CTAGE1: variants seen among roughly 807,000 people sequenced by gnomAD.
CTAGE1 encodes the protein cutaneous T cell lymphoma-associated antigen 1.
For missense variants in CTAGE1, 963 were observed against 855.9 expected, an observed-to-expected ratio of 1.13 and a Z score of -1.56; for synonymous variants, 332 against 302.8, an observed-to-expected ratio of 1.10 and a Z score of -1.00.
At position 22,414,901 on chromosome 18, in the gene CTAGE1, G is replaced by A. The variant is rs971803035; in HGVS notation, c.*673C>T. 19 of 659,994 alleles carry A rather than the reference G, an allele frequency of 2.9e-5. No individual in the cohort carries two copies. The highest frequency in any genetic ancestry group is 1.2e-4 in the Admixed American group (5 of 41,448). 40.9% of individuals were successfully genotyped at this position (659,994 alleles called of 1,614,324 possible). Reference sequence around the variant, plus strand: ...AGACGAAGGGAAGGAAAGGGAGGGCGAAGAAACCATTCTTGAGGAAAACAG... The same window carrying A: ...AGACGAAGGGAAGGAAAGGGAGGGCAAAGAAACCATTCTTGAGGAAAACAG... On this transcript the variant is annotated 3_prime_UTR_variant, in exon 1 of 1. Transcript: ENST00000391403.
At position 22,415,789 on chromosome 18, in the gene CTAGE1, C is replaced by G; in HGVS notation, c.2023G>C (p.Val675Leu). The G allele has an allele frequency of 1.2e-6, 2 of 1,613,870 alleles. No homozygotes were observed. The highest frequency in any genetic ancestry group is 8.5e-7 in the Non-Finnish European group (1 of 1,179,846). The change falls in exon 1 of 1, where the codon GTA (valine) becomes CTA (leucine). Residue 675 changes from valine (V) to leucine (L), a missense_variant. Val to Leu is a conservative substitution (Grantham distance 32). Coordinates refer to ENST00000391403, the MANE Select transcript of CTAGE1 (RefSeq NM_172241.3). ...CTTATGAACGGGCCCCTTGTATCTACTGGAAACAATAAACCTCTGATTGGA... is the reference window on the plus strand; with the variant it reads ...CTTATGAACGGGCCCCTTGTATCTAGTGGAAACAATAAACCTCTGATTGGA... The part of the protein sequence containing the change: ...LAPIRGLLFP[V>L]DTRGPFIRRG...
Position 22,416,113 on chromosome 18 carries a change from G to A in CTAGE1, c.1699C>T (p.Pro567Ser). ...APSDAGPLAP[P>S]WEQDYRMMFP... ...ATCATCCTATAGTCCTGTTCCCACG[G>A]AGGTGCCAGGGGCCCAGCGTCAGAA... is the stretch of plus-strand genomic sequence containing the variant. Residue 567 changes from proline to serine, a missense_variant, in exon 1 of 1, where the codon CCG becomes TCG. Coordinates refer to ENST00000391403, the MANE Select transcript of CTAGE1 (RefSeq NM_172241.3). 1 of 1,613,962 alleles carries A rather than the reference G, an allele frequency of 6.2e-7. No homozygotes were observed. Among genetic ancestry groups the A allele is most frequent in the Non-Finnish European group, 8.5e-7 (1 of 1,179,860 alleles).
chr18:22,416,324 A>G lies in CTAGE1; in HGVS notation c.1488T>C (p.Pro496=), dbSNP rs112281251. The G allele has an allele frequency of 1.0e-4, 168 of 1,613,996 alleles. 3 individuals are homozygous for G. The African/African-American group carries it at 1.9e-3, about 18-fold the overall frequency. Residue 496 remains proline, a synonymous_variant, in exon 1 of 1, where the codon CCT becomes CCC. Transcript: ENST00000391403. The stretch of plus-strand genomic sequence containing the variant: ...AGAGAGAAGCTCTCGTTTCAGATGA[A>G]GGCCAACCCAATGGTGAGGGACCAT... ...SPYGPSPLGW[P]SSETRASLYP...
chr18:22,415,767 A>G lies in CTAGE1; in HGVS notation c.2045T>C (p.Ile682Thr). ...LFPVDTRGPF[I>T]RRGPPFPPPP... Reference sequence around the variant, plus strand: ...TGGGGGGAAAGGAGGTCCTCTTCTTATGAACGGGCCCCTTGTATCTACTGG... The same window carrying G: ...TGGGGGGAAAGGAGGTCCTCTTCTTGTGAACGGGCCCCTTGTATCTACTGG... Residue 682 changes from isoleucine (I) to threonine (T), a missense_variant, in exon 1 of 1, where the codon ATA (isoleucine) becomes ACA (threonine). Coordinates refer to ENST00000391403, the MANE Select transcript of CTAGE1 (RefSeq NM_172241.3). 6.2e-7 allele frequency: 1 copy of G among 1,613,988 alleles called. No homozygotes were observed. The highest frequency in any genetic ancestry group is 8.5e-7 in the Non-Finnish European group (1 of 1,179,872).
chr18:22,415,153 T>C lies in CTAGE1; in HGVS notation c.*421A>G, dbSNP rs2034994910. On this transcript the variant is annotated 3_prime_UTR_variant, in exon 1 of 1. Transcript: ENST00000391403. ...AAACTTATTTAAGCATAAAGTTACT[T>C]TCACATTTGTCTACAACCACAGTAA... 9.2e-6 allele frequency: 2 copies of C among 217,096 alleles called. No individual in the cohort carries two copies. Among genetic ancestry groups the C allele is most frequent in the Non-Finnish European group, 1.8e-5 (2 of 111,734 alleles). The allele number at this position is 217,096 out of a possible 1,614,324, so 13.4% of individuals were successfully genotyped here. A position where few individuals can be genotyped will look rare whatever the true frequency, so the allele number is the denominator to read the frequency against.
rs947793377 is a variant in CTAGE1, at chr18:22,414,446, TGCTTTTTAAAA to T, written c.*1117_*1127del. Reference sequence around the variant, plus strand: ...GCTAGGGGAGGCATGTGAGCTAGGATGCTTTTTAAAAGTGAGGGCAGGTTGTCCCCAAAAGA... The same window carrying T: ...GCTAGGGGAGGCATGTGAGCTAGGATGTGAGGGCAGGTTGTCCCCAAAAGA... On this transcript the variant is annotated 3_prime_UTR_variant, in exon 1 of 1. Coordinates refer to ENST00000391403, the MANE Select transcript of CTAGE1 (RefSeq NM_172241.3). 2.9e-5 allele frequency: 16 copies of T among 548,840 alleles called. No homozygotes were observed. The highest frequency in any genetic ancestry group is 5.1e-5 in the Non-Finnish European group (16 of 311,598). The allele number at this position is 548,840 out of a possible 1,614,324, so 34.0% of individuals were successfully genotyped here.
Position 22,417,625 on chromosome 18 carries a change from G to A in CTAGE1, c.187C>T (p.Leu63Phe), listed in dbSNP as rs780833872. The A allele has an allele frequency of 1.2e-6, 2 of 1,613,884 alleles. No individual in the cohort carries two copies. Among genetic ancestry groups the A allele is most frequent in the Non-Finnish European group, 1.7e-6 (2 of 1,179,866 alleles). Residue 63 changes from leucine to phenylalanine, a missense_variant, in exon 1 of 1, where the codon CTT becomes TTT. Leu to Phe is a conservative substitution (Grantham distance 22). Coordinates refer to ENST00000391403, the MANE Select transcript of CTAGE1 (RefSeq NM_172241.3). ...TTTTGAACAAGGCTAAATTTTTCAA[G>A]TAGTTTACATTTTTCTTCAATTAGT... The part of the protein sequence containing the change: ...SGLIEEKCKL[L>F]EKFSLVQKEY...
chr18:22,415,598 A>T lies in CTAGE1; in HGVS notation c.2214T>A (p.Phe738Leu), dbSNP rs1433353424. 10 of 1,607,224 alleles carry T rather than the reference A, an allele frequency of 6.2e-6. No homozygotes were observed. Among genetic ancestry groups the T allele is most frequent in the Non-Finnish European group, 7.7e-6 (9 of 1,176,378 alleles). ...FLPYRPPRPA[F>L]FPPAPTF ...TTCAGAATGTGGGGGCTGGGGGGAA[A>T]AATGCAGGTCTTGGGGGACGGTAAG... The change falls in exon 1 of 1, where the codon TTT (phenylalanine) becomes TTA (leucine). Residue 738 changes from phenylalanine to leucine, a missense_variant. Phe to Leu is a conservative substitution (Grantham distance 22, BLOSUM62 0). Transcript: ENST00000391403.
Position 22,416,095 on chromosome 18 carries a change from T to C in CTAGE1, c.1717A>G (p.Arg573Gly). 1 of 1,613,980 alleles carries C rather than the reference T, an allele frequency of 6.2e-7. No individual in the cohort carries two copies. Among genetic ancestry groups the C allele is most frequent in the Non-Finnish European group, 8.5e-7 (1 of 1,179,866 alleles). Residue 573 changes from arginine (R) to glycine (G), a missense_variant, in exon 1 of 1, where the codon AGG (arginine) becomes GGG (glycine). By Grantham distance (125) the Arg-to-Gly change is moderately radical. Coordinates refer to ENST00000391403, the MANE Select transcript of CTAGE1 (RefSeq NM_172241.3). ...TGTCCTGGTGGAGGAAACATCATCC[T>C]ATAGTCCTGTTCCCACGGAGGTGCC... Reference protein sequence around the residue: ...PLAPPWEQDYRMMFPPPGQSY... With the variant: ...PLAPPWEQDYGMMFPPPGQSY...
chr18:22,414,477 A>G lies in CTAGE1; in HGVS notation c.*1097T>C. 3.5e-6 allele frequency: 2 copies of G among 575,244 alleles called. No homozygotes were observed. The highest frequency in any genetic ancestry group is 2.3e-5 in the South Asian group (1 of 42,666). The allele number at this position is 575,244 out of a possible 1,614,324, so 35.6% of individuals were successfully genotyped here. A position where few individuals can be genotyped will look rare whatever the true frequency, so the allele number is the denominator to read the frequency against. On this transcript the variant is annotated 3_prime_UTR_variant, in exon 1 of 1. Coordinates refer to ENST00000391403, the MANE Select transcript of CTAGE1 (RefSeq NM_172241.3). ...TTAAAAGTGAGGGCAGGTTGTCCCC[A>G]AAAGAAGCAATGGCTTGGTGGCCCA...
At position 22,415,184 on chromosome 18, in the gene CTAGE1, G is replaced by C. The variant is rs2034995189; in HGVS notation, c.*390C>G. The C allele has an allele frequency of 4.5e-6, 1 of 222,250 alleles. No homozygotes were observed. Among genetic ancestry groups the C allele is most frequent in the African/African-American group, 2.3e-5 (1 of 43,780 alleles). The allele number at this position is 222,250 out of a possible 1,614,324, so 13.8% of individuals were successfully genotyped here. On this transcript the variant is annotated 3_prime_UTR_variant, in exon 1 of 1. Coordinates refer to ENST00000391403, the MANE Select transcript of CTAGE1 (RefSeq NM_172241.3). Reference sequence around the variant, plus strand: ...TTTGTCTACAACCACAGTAAATACAGTTCTTGACATAAAGACAATTTAAAG... The same window carrying C: ...TTTGTCTACAACCACAGTAAATACACTTCTTGACATAAAGACAATTTAAAG...
In CTAGE1 at chr18:22,414,421, G is replaced by A. The variant is rs1417139140; in HGVS notation, c.*1153C>T. The A allele has an allele frequency of 2.0e-6, 1 of 505,140 alleles. No individual in the cohort carries two copies. Among genetic ancestry groups the A allele is most frequent in the East Asian group, 3.2e-5 (1 of 31,470 alleles). 31.3% of individuals were successfully genotyped at this position (505,140 alleles called of 1,614,324 possible). ...AGCAGAGACTGGAGTGGCATTAACT[G>A]CTAGGGGAGGCATGTGAGCTAGGAT... is the stretch of plus-strand genomic sequence containing the variant. On this transcript the variant is annotated 3_prime_UTR_variant, in exon 1 of 1. Transcript: ENST00000391403.
Position 22,417,467 on chromosome 18 carries a change from T to C in CTAGE1, c.345A>G (p.Ile115Met), listed in dbSNP as rs370060769. ...CTTTTAACTCTTTTTCTAGACAGAG[T>C]ATTTCATGCACAAGTTCAGAATTGA... ...NRFNSELVHE[I>M]LCLEKELKEE... Residue 115 changes from isoleucine to methionine, a missense_variant, in exon 1 of 1, where the codon ATA becomes ATG. Ile to Met is a conservative substitution (Grantham distance 10, BLOSUM62 1). Transcript: ENST00000391403. The C allele has an allele frequency of 5.0e-6, 8 of 1,613,876 alleles. No homozygotes were observed. In the East Asian group the frequency reaches 1.3e-4, roughly 27 times the overall value.
Position 22,416,693 on chromosome 18 carries a change from C to T in CTAGE1, c.1119G>A (p.Glu373=), listed in dbSNP as rs779407488. The part of the protein sequence containing the change: ...EMKLYRKLIV[E]EKCRLEKEEK... The stretch of plus-strand genomic sequence containing the variant: ...CTTCTTTCTCTAACCGGCATTTTTC[C>T]TCTACTATTAATTTCCTGTAGAGTT... The change falls in exon 1 of 1, where the codon GAG becomes GAA. Residue 373 remains glutamate (E), a synonymous_variant. Coordinates refer to ENST00000391403, the MANE Select transcript of CTAGE1 (RefSeq NM_172241.3). The T allele has an allele frequency of 6.2e-6, 10 of 1,613,564 alleles. No homozygotes were observed. In the African/African-American group the frequency reaches 1.3e-4, roughly 22 times the overall value.
rs550845102 is a variant in CTAGE1, at chr18:22,415,587, G to C, written c.2225C>G (p.Ala742Gly). 6 of 1,603,456 alleles carry C rather than the reference G, an allele frequency of 3.7e-6. No homozygotes were observed. The South Asian group carries it at 5.6e-5, about 15-fold the overall frequency. The part of the protein sequence containing the change: ...RPPRPAFFPP[A>G]PTF ...CTCATTCTACCTTCAGAATGTGGGG[G>C]CTGGGGGGAAAAATGCAGGTCTTGG... Residue 742 changes from alanine to glycine, a missense_variant, in exon 1 of 1, where the codon GCC becomes GGC. Coordinates refer to ENST00000391403, the MANE Select transcript of CTAGE1 (RefSeq NM_172241.3).
chr18:22,415,291 T>G lies in CTAGE1; in HGVS notation c.*283A>C. The G allele has an allele frequency of 2.9e-6, 1 of 341,736 alleles. No homozygotes were observed. Among genetic ancestry groups the G allele is most frequent in the Admixed American group, 4.3e-5 (1 of 23,106 alleles). The allele number at this position is 341,736 out of a possible 1,614,324, so 21.2% of individuals were successfully genotyped here. On this transcript the variant is annotated 3_prime_UTR_variant, in exon 1 of 1. Transcript: ENST00000391403. ...GGATTAATCAAATTAAAAGTTATACTATCTAGAATAAAATAAAATGAAATA... is the reference window on the plus strand; with the variant it reads ...GGATTAATCAAATTAAAAGTTATACGATCTAGAATAAAATAAAATGAAATA...
rs1440900303 is a variant in CTAGE1 at position 22,415,374 on chromosome 18, A to T, written c.*200T>A. 3 of 527,086 alleles carry T rather than the reference A, an allele frequency of 5.7e-6. No homozygotes were observed. The African/African-American group carries it at 5.7e-5, about 10-fold the overall frequency. The allele number at this position is 527,086 out of a possible 1,614,324, so 32.7% of individuals were successfully genotyped here. The stretch of plus-strand genomic sequence containing the variant: ...TCATTTACAAAATACTATCCTGGGA[A>T]TTATAGTTCCATTAAGTTTCAATCT... On this transcript the variant is annotated 3_prime_UTR_variant, in exon 1 of 1. Transcript: ENST00000391403.
In CTAGE1 at chr18:22,414,322, A is replaced by T; in HGVS notation, c.*1252T>A. 4.6e-6 allele frequency: 1 copy of T among 216,774 alleles called. No individual in the cohort carries two copies. 13.4% of individuals were successfully genotyped at this position (216,774 alleles called of 1,614,324 possible). A position where few individuals can be genotyped will look rare whatever the true frequency, so the allele number is the denominator to read the frequency against. ...TGGTTCAAGGGAAGACGGAAAATGT[A>T]TAGGAAGCCCCAGTGTACAATAAGG... is the stretch of plus-strand genomic sequence containing the variant. On this transcript the variant is annotated 3_prime_UTR_variant, in exon 1 of 1. Coordinates refer to ENST00000391403, the MANE Select transcript of CTAGE1 (RefSeq NM_172241.3).
rs200294132 is a variant in CTAGE1, at chr18:22,415,788, A to C, written c.2024T>G (p.Val675Gly). ...LAPIRGLLFP[V>G]DTRGPFIRRG... ...TCTTATGAACGGGCCCCTTGTATCT[A>C]CTGGAAACAATAAACCTCTGATTGG... The change falls in exon 1 of 1, where the codon GTA (valine) becomes GGA (glycine). Residue 675 changes from valine to glycine, a missense_variant. Transcript: ENST00000391403. The C allele has an allele frequency of 2.0e-4, 321 of 1,613,822 alleles. No individual in the cohort carries two copies. The highest frequency in any genetic ancestry group is 8.2e-4 in the Middle Eastern group (5 of 6,078).
Sources: gnomAD v4.1 joint callset for allele counts on GRCh38, gnomAD v4.1.1 for gene constraint, MANE v1.5 for transcripts, NCBI Gene and HGNC (gene_info 2026-07-23, HGNC 2026-07-21) for gene names.